OLFM1: variants seen among roughly 807,000 people sequenced by gnomAD.
The protein encoded by OLFM1 is olfactomedin 1.
A neutral mutation model predicts 49.7 loss-of-function variants in OLFM1; 9 were observed. The ratio of observed to expected loss-of-function variants is 0.18; its 90% CI spans 0.11 to 0.32. OLFM1 has a LOEUF of 0.32. Among genes scored for constraint, OLFM1 ranks in the 10% least tolerant of loss-of-function variants. OLFM1 has a pLI of 1.00. For missense variants in OLFM1, 369 were observed against 661.8 expected, an observed-to-expected ratio of 0.56 and a Z score of 4.85; for synonymous variants, 240 against 271.8, an observed-to-expected ratio of 0.88 and a Z score of 1.15.
intron 5 of OLFM1, among the ~76,000 whole-genome samples, chr9:135,111,915 C>A (rs1484692886): frequency 6.6e-6 from 1 of 152,136 alleles, no homozygotes; most frequent in Admixed American, 6.5e-5. Context: ...CAGGGTTTCA[C>A]CACATTGGCC....
At chr9:135,077,051 G>C in intron 1 of OLFM1, 1 of 1,496,440 alleles carries the variant, frequency 6.7e-7, no homozygotes, top group Non-Finnish European at 8.9e-7. Flanking sequence ...TCCTGGAGAG[G>C]TTCTGCATGG....
At chr9:135,093,995 G>A (rs1830750058) in intron 2 of OLFM1, among the ~76,000 whole-genome samples, 1 of 152,138 alleles carries the variant, frequency 6.6e-6, no homozygotes, top group Non-Finnish European at 1.5e-5. Context: ...CTTCTCTGGG[G>A]AGCAAAAAGC....
At chr9:135,076,237 C>T (rs1830464590) in intron 1 of OLFM1, 2 of 1,550,600 alleles carry the variant, frequency 1.3e-6, no homozygotes, top group Admixed American at 2.0e-5. Context: ...GCTCATCCTC[C>T]CTTTGGGCAT....
chr9:135,116,774 C>A (rs1831101677), intron 5 of OLFM1, among the ~76,000 whole-genome samples: 1 of 151,844 alleles, frequency 6.6e-6, no homozygotes, highest in Non-Finnish European at 1.5e-5. Flanking sequence ...CAGCACATGG[C>A]CCCGTTCCCT....
intron 1 of OLFM1, among the ~76,000 whole-genome samples, chr9:135,078,496 C>T (rs1830495254): frequency 1.3e-5 from 2 of 152,222 alleles, no homozygotes; most frequent in African/African-American, 4.8e-5. Context: ...CAAACACCAA[C>T]CGTTGATGGA....
chr9:135,116,954 G>A (rs187280845), intron 5 of OLFM1, among the ~76,000 whole-genome samples: 311 of 148,634 alleles, frequency 2.1e-3, no homozygotes, highest in African/African-American at 6.9e-3. Context: ...TGAGAAGAAG[G>A]TTATAATTTT....
chr9:135,104,774 G>T (rs547944679), intron 4 of OLFM1, among the ~76,000 whole-genome samples: 27 of 152,268 alleles, frequency 1.8e-4, no homozygotes, highest in African/African-American at 5.8e-4. Context: ...CCCAGCAGCC[G>T]GAGGGTGAGC....
At chr9:135,102,948 G>A (rs1253722533) in intron 4 of OLFM1, among the ~76,000 whole-genome samples, 1 of 152,228 alleles carries the variant, frequency 6.6e-6, no homozygotes, top group Non-Finnish European at 1.5e-5. Context: ...CTGCTGCGTA[G>A]AAGTGGCCTC....
intron 5 of OLFM1, among the ~76,000 whole-genome samples, chr9:135,111,909 G>A (rs188788330): frequency 1.3e-5 from 2 of 152,152 alleles, no homozygotes; most frequent in African/African-American, 4.8e-5. Flanking sequence ...TAGAGACAGG[G>A]TTTCACCACA....
chr9:135,119,658 A>C lies in OLFM1; in HGVS notation c.938A>C (p.Asn313Thr), dbSNP rs776780657. 6.2e-7 allele frequency: 1 copy of C among 1,614,106 alleles called. No individual in the cohort carries two copies. The highest frequency in any genetic ancestry group is 8.5e-7 in the Non-Finnish European group (1 of 1,180,022). The change falls in exon 6 of 6, where the codon AAC (asparagine) becomes ACC (threonine). Residue 313 changes from asparagine to threonine, a missense_variant. Physicochemically the swap from Asn to Thr is moderately conservative, Grantham distance 65 (BLOSUM62 0). Transcript: ENST00000371793. ...QVVYNGSIYF[N>T]KFQSHIIIRF... ...GTCTACAACGGTTCTATCTACTTCAACAAGTTCCAGAGCCACATCATCATC... is the reference window on the plus strand; with the variant it reads ...GTCTACAACGGTTCTATCTACTTCACCAAGTTCCAGAGCCACATCATCATC...
intron 5 of OLFM1, among the ~76,000 whole-genome samples, chr9:135,111,019 C>G (rs915271022): frequency 6.6e-6 from 1 of 152,220 alleles, no homozygotes; most frequent in African/African-American, 2.4e-5. Context: ...TACCCTGAAC[C>G]GAGAGGCCCT....
chr9:135,086,272 T>C (rs570865333), upstream of OLFM1, among the ~76,000 whole-genome samples: 54 of 152,338 alleles, frequency 3.5e-4, no homozygotes, highest in Non-Finnish European at 6.6e-4. Context: ...TTTCCTGGCA[T>C]CCGACCCAGC....
intron 3 of OLFM1, among the ~76,000 whole-genome samples, chr9:135,096,609 A>G (rs1346762424): frequency 6.6e-6 from 1 of 152,204 alleles, no homozygotes; most frequent in Non-Finnish European, 1.5e-5. Flanking sequence ...GGGGTCTGAG[A>G]TCCTGCGCTG....
chr9:135,120,258 T>A lies in OLFM1; in HGVS notation c.*80T>A. 1.7e-6 allele frequency: 2 copies of A among 1,179,392 alleles called. No homozygotes were observed. Among genetic ancestry groups the A allele is most frequent in the Non-Finnish European group, 2.4e-6 (2 of 832,198 alleles). 73.1% of individuals were successfully genotyped at this position (1,179,392 alleles called of 1,614,324 possible). On this transcript the variant is annotated 3_prime_UTR_variant, in exon 6 of 6. Transcript: ENST00000371793. The stretch of plus-strand genomic sequence containing the variant: ...GAAACTGCTGCCAAAAAGATACCAA[T>A]AACACTAACAATACCGATCTTGAAA...
intron 5 of OLFM1, among the ~76,000 whole-genome samples, chr9:135,109,452 C>T (rs1564278230): frequency 1.3e-5 from 2 of 152,210 alleles, no homozygotes; most frequent in South Asian, 2.1e-4. Context: ...GGAGAAGAAG[C>T]CGCAGGAGAA....
In OLFM1 at chr9:135,098,308, A is replaced by G; in HGVS notation, c.479A>G (p.Glu160Gly). Residue 160 changes from glutamate to glycine, a missense_variant, in exon 4 of 6, where the codon GAA (glutamate) becomes GGA (glycine). Glu to Gly is a moderately conservative substitution (Grantham distance 98). Around this residue, in one of 3 missense-constraint regions of OLFM1, gnomAD observed 294 missense variants for 567.5 expected, o/e 0.52. Transcript: ENST00000371793. This position sits in a 1 kb window ranked among gnomAD's most constrained non-coding sequence, Gnocchi z 5.6. The part of the protein sequence containing the change: ...QFKAIKAKMD[E>G]LRPLIPVLEE... ...CAGGCGATAAAAGCGAAAATGGATG[A>G]ACTTAGGCCTTTGATACCTGTGTTG... is the stretch of plus-strand genomic sequence containing the variant. The G allele has an allele frequency of 6.2e-7, 1 of 1,613,832 alleles. No homozygotes were observed. Among genetic ancestry groups the G allele is most frequent in the South Asian group, 1.1e-5 (1 of 91,086 alleles).
chr9:135,085,121 G>T (rs1220531212), upstream of OLFM1, among the ~76,000 whole-genome samples: 1 of 152,184 alleles, frequency 6.6e-6, no homozygotes, highest in Non-Finnish European at 1.5e-5. Context: ...GGCCTGTAGG[G>T]GGCTGGCATG....
At position 135,120,596 on chromosome 9, in the gene OLFM1, C is replaced by A. The variant is rs1831173637; in HGVS notation, c.*418C>A. The A allele has an allele frequency of 4.8e-6, 1 of 208,390 alleles. No individual in the cohort carries two copies. Among genetic ancestry groups the A allele is most frequent in the Non-Finnish European group, 9.6e-6 (1 of 103,830 alleles). The allele number at this position is 208,390 out of a possible 1,614,324, so 12.9% of individuals were successfully genotyped here. A position where few individuals can be genotyped will look rare whatever the true frequency, so the allele number is the denominator to read the frequency against. On this transcript the variant is annotated 3_prime_UTR_variant, in exon 6 of 6. Transcript: ENST00000371793. Reference sequence around the variant, plus strand: ...GGCTCTTTGAGAGCCATGGGCTGCACCCGGCCGTAGGCTAGTGTAACTCGC... The same window carrying A: ...GGCTCTTTGAGAGCCATGGGCTGCAACCGGCCGTAGGCTAGTGTAACTCGC...
At chr9:135,075,752 A>G in exon 1 of OLFM1, 1 of 1,606,254 alleles carries the variant, frequency 6.2e-7, no homozygotes, top group South Asian at 1.1e-5. Context: ...CCCGGCCCGG[A>G]AGCTCCTCAG....
Sources: gnomAD v4.1 joint callset for allele counts (sites outside exome capture counted in the v4.1 genomes callset) on GRCh38, gnomAD v4.1.1 for gene constraint, gnomAD v4.1.1 regional missense constraint, Gnocchi (gnomAD v3.1) non-coding constraint, MANE v1.5 for transcripts, NCBI Gene and HGNC (gene_info 2026-07-23, HGNC 2026-07-21) for gene names.